FBXL7: variants seen among roughly 807,000 people sequenced by gnomAD.
FBXL7 encodes the protein F-box/LRR-repeat protein 7.
A neutral mutation model predicts 38.3 loss-of-function variants in FBXL7; 12 were observed. The observed-to-expected ratio is 0.31, with a 90% CI of 0.20 to 0.51. FBXL7 has a LOEUF of 0.51. Among genes scored for constraint, FBXL7 ranks in the 20% least tolerant of loss-of-function variants. FBXL7 has a pLI of 0.98. For missense variants in FBXL7, 567 were observed against 676.4 expected (o/e 0.84, Z 1.79); for synonymous variants, 297 against 300.9 (o/e 0.99, Z 0.13).
At chr5:15,845,897 A>T (rs1216601306) in intron 2 of FBXL7, among the ~76,000 whole-genome samples, 4 of 152,170 alleles carry the variant, frequency 2.6e-5, no homozygotes, top group Admixed American at 2.6e-4. Flanking sequence ...CGTGAACCCC[A>T]GGAGGCGGAG....
chr5:15,667,680 C>G (rs1742330665), intron 2 of FBXL7, among the ~76,000 whole-genome samples: 2 of 152,138 alleles, frequency 1.3e-5, no homozygotes, highest in South Asian at 4.1e-4. Context: ...ATTTTCTTCT[C>G]CAAGCCTACT....
chr5:15,676,444 T>C (rs1014689534), intron 2 of FBXL7, among the ~76,000 whole-genome samples: 19 of 152,220 alleles, frequency 1.2e-4, no homozygotes, highest in African/African-American at 4.6e-4. Flanking sequence ...AAGCAGAAAA[T>C]ATGGTTATGC....
chr5:15,672,344 A>C (rs2126598865), intron 2 of FBXL7, among the ~76,000 whole-genome samples: 1 of 152,310 alleles, frequency 6.6e-6, no homozygotes, highest in East Asian at 1.9e-4. Context: ...AACTCCTCAA[A>C]ATATCCTCAA....
chr5:15,502,220 G>A (rs1043167380), intron 1 of FBXL7, among the ~76,000 whole-genome samples: 6 of 152,088 alleles, frequency 3.9e-5, no homozygotes, highest in African/African-American at 1.4e-4. Flanking sequence ...TAGAATCACT[G>A]CTATGAGTTC....
intron 2 of FBXL7, among the ~76,000 whole-genome samples, chr5:15,763,007 G>GT (rs1339418009): frequency 2.6e-5 from 4 of 152,070 alleles, no homozygotes; most frequent in African/African-American, 7.2e-5. Context: ...TTTTTAATTT[G>GT]TTTTTTCTCT....
chr5:15,883,899 G>A (rs1042673137), intron 2 of FBXL7, among the ~76,000 whole-genome samples: 3 of 152,150 alleles, frequency 2.0e-5, no homozygotes, highest in South Asian at 2.1e-4. Flanking sequence ...GATTAATTTT[G>A]TATAAGGAAA....
intron 2 of FBXL7, among the ~76,000 whole-genome samples, chr5:15,852,958 T>TATGGAGGGCTGTCACTC (rs1353563315): frequency 6.6e-6 from 1 of 152,176 alleles, no homozygotes; most frequent in Non-Finnish European, 1.5e-5. Context: ...TACAGTCACT[T>TATGGAGGGCTGTCACTC]ATGGAGGGCT....
At position 15,744,788 on chromosome 5, in the gene FBXL7, TG is replaced by T. The variant is rs113595282; in HGVS notation, c.127+128720del. ...TAATTGACTCATAGTTTTGCATGGC[TG>T]GGGAGGCCTCAGGAAACTTACAATC... On this transcript the variant is annotated intron_variant, in intron 2 of 3. Coordinates refer to ENST00000504595, the MANE Select transcript of FBXL7 (RefSeq NM_012304.5). Among the ~76,000 whole-genome samples the T allele has an allele frequency of 8.8e-3, 1,343 of 152,296 alleles. 17 individuals carry two copies. The highest frequency in any genetic ancestry group is 0.041 in the South Asian group (200 of 4,830).
At chr5:15,803,853 G>GT (rs898662599) in intron 2 of FBXL7, among the ~76,000 whole-genome samples, 2 of 152,180 alleles carry the variant, frequency 1.3e-5, no homozygotes, top group African/African-American at 4.8e-5. Context: ...CGGTAGATGT[G>GT]TAGGGGGTCA....
At chr5:15,645,768 A>G (rs1321067867) in intron 2 of FBXL7, among the ~76,000 whole-genome samples, 5 of 152,196 alleles carry the variant, frequency 3.3e-5, no homozygotes, top group Non-Finnish European at 7.3e-5. Context: ...CCTCTTTGCA[A>G]TAGGCTTATT....
chr5:15,536,038 A>G (rs1159910218), intron 1 of FBXL7, among the ~76,000 whole-genome samples: 1 of 152,234 alleles, frequency 6.6e-6, no homozygotes, highest in Non-Finnish European at 1.5e-5. Flanking sequence ...GCTCCAGCTC[A>G]GGCTGTGGCT....
At chr5:15,595,446 G>A (rs955749746) in intron 1 of FBXL7, among the ~76,000 whole-genome samples, 6 of 152,210 alleles carry the variant, frequency 3.9e-5, no homozygotes, top group Non-Finnish European at 8.8e-5. Flanking sequence ...AGCACCTGGA[G>A]AGATCTGGCC....
Position 15,795,865 on chromosome 5 carries a change from G to C in FBXL7, c.128-132025G>C, listed in dbSNP as rs114364084. On this transcript the variant is annotated intron_variant, in intron 2 of 3. Coordinates refer to ENST00000504595, the MANE Select transcript of FBXL7 (RefSeq NM_012304.5). The stretch of plus-strand genomic sequence containing the variant: ...ATTTCAGAGGCACACTCATCCGATT[G>C]CCACTATAAATATAACAGATCAAGA... Among the ~76,000 whole-genome samples the C allele has an allele frequency of 7.0e-3, 1,070 of 152,240 alleles. 8 individuals carry two copies. The highest frequency in any genetic ancestry group is 0.024 in the African/African-American group (1,010 of 41,534).
At position 15,818,735 on chromosome 5, in the gene FBXL7, TGTGTGTGTGAGA is replaced by T. The variant is rs1383184074; in HGVS notation, c.128-109153_128-109142del. On this transcript the variant is annotated intron_variant, in intron 2 of 3. Transcript: ENST00000504595. ...GTGTGTGTGTGTGTGTGTGTGTGTG[TGTGTGTGTGAGA>T]GAGAGAGAGATTTAAAATTCCCATG... Among the ~76,000 whole-genome samples the T allele has an allele frequency of 8.3e-3, 762 of 91,540 alleles. 5 individuals carry two copies. Among genetic ancestry groups the T allele is most frequent in the African/African-American group, 0.025 (652 of 26,518 alleles). The allele number at this position is 91,540 out of a possible 152,430, so 60.1% of individuals were successfully genotyped here.
In FBXL7 at chr5:15,841,768, C is replaced by G. The variant is rs1455737081; in HGVS notation, c.128-86122C>G. 3.3e-5 allele frequency among the ~76,000 whole-genome samples: 5 copies of G among 152,356 alleles called. No homozygotes were observed. In the East Asian group the frequency reaches 9.7e-4, roughly 29 times the overall value. ...GTAGCTGAAAGGGGCCAATGTAAGG[C>G]TGGGGCTGTGGCTTCAGAGGAGGCA... On this transcript the variant is annotated intron_variant, in intron 2 of 3. Coordinates refer to ENST00000504595, the MANE Select transcript of FBXL7 (RefSeq NM_012304.5).
At chr5:15,710,071 C>T (rs950567246) in intron 2 of FBXL7, among the ~76,000 whole-genome samples, 2 of 152,152 alleles carry the variant, frequency 1.3e-5, no homozygotes, top group Non-Finnish European at 2.9e-5. Context: ...GGTACTTCCA[C>T]TCTTGTCCCT....
At chr5:15,574,648 G>T (rs1364044888) in intron 1 of FBXL7, among the ~76,000 whole-genome samples, 1 of 152,164 alleles carries the variant, frequency 6.6e-6, no homozygotes. Context: ...TTCACTCTAT[G>T]CTGGTATTTA....
intron 2 of FBXL7, among the ~76,000 whole-genome samples, chr5:15,698,346 T>A (rs1743404552): frequency 6.6e-6 from 1 of 152,184 alleles, no homozygotes; most frequent in South Asian, 2.1e-4. Context: ...ATTAAGCATA[T>A]GCATGTGGGC....
At chr5:15,622,960 T>TTTGTAA (rs1343313773) in intron 2 of FBXL7, among the ~76,000 whole-genome samples, 12 of 152,004 alleles carry the variant, frequency 7.9e-5, no homozygotes, top group African/African-American at 2.7e-4. Flanking sequence ...CCACTTTGGC[T>TTTGTAA]TCCCAAAGTG....
Sources: gnomAD v4.1 joint callset for allele counts (sites outside exome capture counted in the v4.1 genomes callset) on GRCh38, gnomAD v4.1.1 for gene constraint, MANE v1.5 for transcripts, NCBI Gene and HGNC (gene_info 2026-07-23, HGNC 2026-07-21) for gene names.